The following ST7L variants were observed in gnomAD, a reference collection of about 807,000 sequenced individuals.
ST7L encodes suppressor of tumorigenicity 7 protein-like.
A neutral mutation model predicts 72.5 loss-of-function variants in ST7L; 57 were observed. That is an observed-to-expected ratio of 0.79 (90% CI 0.64 to 0.98). The LOEUF is 0.98. Among genes scored for constraint, ST7L ranks in the 50% least tolerant of loss-of-function variants. The pLI is 0.00. For missense variants in ST7L, 576 were observed against 672.2 expected (o/e 0.86, Z 1.58); for synonymous variants, 221 against 240.9 (o/e 0.92, Z 0.77).
At chr1:112,519,280 C>T (rs755153392), downstream of ST7L, among the ~76,000 whole-genome samples, 12 of 152,120 alleles carry the variant, frequency 7.9e-5, no homozygotes, top group Admixed American at 1.3e-4. Context: ...TATTATAAAA[C>T]GTAAATATTT....
rs746829812 is a variant in ST7L at position 112,577,019 on chromosome 1, A to G, written c.1212T>C (p.His404=). The G allele has an allele frequency of 6.6e-5, 107 of 1,610,244 alleles. No individual in the cohort carries two copies. In the East Asian group the frequency reaches 2.3e-3, roughly 34 times the overall value. ...TAEINAVEAI[H]RAVEFNPHVP... ...CATGAGGATTAAATTCCACAGCTCT[A>G]TGAATTGCTTCCACGGCATTAATTT... is the stretch of plus-strand genomic sequence containing the variant. Residue 404 remains histidine, a synonymous_variant, in exon 11 of 15, where the codon CAT becomes CAC. Coordinates refer to ENST00000358039, the MANE Select transcript of ST7L (RefSeq NM_017744.5).
chr1:112,612,024 T>C (rs1238773849), intron 2 of ST7L, among the ~76,000 whole-genome samples: 4 of 149,658 alleles, frequency 2.7e-5, no homozygotes, highest in Non-Finnish European at 4.4e-5. Context: ...TTCTGCCAAA[T>C]GTAGTGGATA....
chr1:112,559,643 C>T (rs1171545399), intron 11 of ST7L, among the ~76,000 whole-genome samples: 1 of 152,138 alleles, frequency 6.6e-6, no homozygotes, highest in Non-Finnish European at 1.5e-5. Flanking sequence ...AGAAATTATA[C>T]TTCAAGATTT....
chr1:112,548,172 T>C (rs577823151), intron 13 of ST7L, among the ~76,000 whole-genome samples: 1 of 152,116 alleles, frequency 6.6e-6, no homozygotes, highest in South Asian at 2.1e-4. Context: ...CTGGCCACCA[T>C]GGTGAAACCC....
chr1:112,544,191 C>T (rs1656691990), intron 13 of ST7L, among the ~76,000 whole-genome samples: 1 of 152,110 alleles, frequency 6.6e-6, no homozygotes, highest in Non-Finnish European at 1.5e-5. Context: ...GGATACTAAC[C>T]CAGGAATTTC....
At chr1:112,576,387 C>T (rs1429980929) in intron 11 of ST7L, among the ~76,000 whole-genome samples, 1 of 152,144 alleles carries the variant, frequency 6.6e-6, no homozygotes, top group Admixed American at 6.5e-5. Flanking sequence ...CCACTGTGCC[C>T]AGCCCAAACC....
At chr1:112,544,897 A>G (rs1337290245) in intron 13 of ST7L, among the ~76,000 whole-genome samples, 1 of 152,210 alleles carries the variant, frequency 6.6e-6, no homozygotes, top group Non-Finnish European at 1.5e-5. Flanking sequence ...AAAATAATGG[A>G]TGACTATTAC....
chr1:112,524,213 C>T lies in ST7L; in HGVS notation c.*1800G>A, dbSNP rs141812668. The T allele has an allele frequency of 2.4e-3, 366 of 152,642 alleles. No homozygotes were observed. The highest frequency in any genetic ancestry group is 8.2e-3 in the African/African-American group (339 of 41,540). 9.5% of individuals were successfully genotyped at this position (152,642 alleles called of 1,614,324 possible). ...CAAATTCTCAGACCCACTCAGGACA[C>T]GAGTCTCTACATGGCTTAACAGAAG... is the stretch of plus-strand genomic sequence containing the variant. On this transcript the variant is annotated 3_prime_UTR_variant, in exon 15 of 15. Coordinates refer to ENST00000358039, the MANE Select transcript of ST7L (RefSeq NM_017744.5).
At chr1:112,532,349 A>G (rs1306227185) in intron 14 of ST7L, among the ~76,000 whole-genome samples, 1 of 152,224 alleles carries the variant, frequency 6.6e-6, no homozygotes, top group Non-Finnish European at 1.5e-5. Flanking sequence ...GGAGTCTAAC[A>G]ACACTGTCGG....
intron 11 of ST7L, among the ~76,000 whole-genome samples, chr1:112,566,268 ATTTTC>A (rs1174571645): frequency 1.6e-5 from 2 of 126,164 alleles, no homozygotes; most frequent in Admixed American, 1.6e-4. Flanking sequence ...ATCAAGACAT[ATTTTC>A]TTTTATTTCT....
Position 112,611,119 on chromosome 1 carries a change from T to C in ST7L, c.289-116A>G, listed in dbSNP as rs1437990392. Reference sequence around the variant, plus strand: ...TTCAGCATTTTAAATGCACTCTCCTTTCAAAAAGAAAAAAACATACAAACA... The same window carrying C: ...TTCAGCATTTTAAATGCACTCTCCTCTCAAAAAGAAAAAAACATACAAACA... On this transcript the variant is annotated intron_variant, in intron 2 of 14. Transcript: ENST00000358039. The C allele has an allele frequency of 6.3e-6, 6 of 946,390 alleles. No homozygotes were observed. The Admixed American group carries it at 2.0e-4, about 32-fold the overall frequency. 58.6% of individuals were successfully genotyped at this position (946,390 alleles called of 1,614,324 possible).
intron 11 of ST7L, among the ~76,000 whole-genome samples, chr1:112,574,957 G>T (rs1571118886): frequency 6.6e-6 from 1 of 152,038 alleles, no homozygotes; most frequent in East Asian, 1.9e-4. Context: ...AAGTTTACAA[G>T]GCTGGGCGCG....
chr1:112,568,330 A>ATTTTT (rs776031521), intron 11 of ST7L, among the ~76,000 whole-genome samples: 48 of 116,778 alleles, frequency 4.1e-4, no homozygotes, highest in African/African-American at 1.5e-3. Context: ...CTGTAATAAT[A>ATTTTT]TTTTTTTTTT....
At chr1:112,569,730 G>A (rs930555040) in intron 11 of ST7L, among the ~76,000 whole-genome samples, 31 of 152,116 alleles carry the variant, frequency 2.0e-4, no homozygotes, top group Admixed American at 1.8e-3. Context: ...AGGCCGAGGC[G>A]GGTGGATCAC....
At position 112,610,946 on chromosome 1, in the gene ST7L, C is replaced by T. The variant is rs1361194445; in HGVS notation, c.346G>A (p.Val116Ile). 6.2e-7 allele frequency: 1 copy of T among 1,614,208 alleles called. No individual in the cohort carries two copies. Among genetic ancestry groups the T allele is most frequent in the Non-Finnish European group, 8.5e-7 (1 of 1,180,036 alleles). ...HGTSFIEQVS[V>I]SHLQPLMGGT... ...CCCATCAGTGGTTGCAAATGGCTTA[C>T]AGATACTTGCTCAATAAAAGATGTG... is the stretch of plus-strand genomic sequence containing the variant. The change falls in exon 3 of 15, where the codon GTA becomes ATA. Residue 116 changes from valine to isoleucine, a missense_variant. Val to Ile is a conservative substitution (Grantham distance 29). This residue lies in a region of ST7L where 511 missense variants were observed against 600.7 expected (regional missense o/e 0.85). Coordinates refer to ENST00000358039, the MANE Select transcript of ST7L (RefSeq NM_017744.5).
chr1:112,616,158 C>A (rs142107215), intron 2 of ST7L, among the ~76,000 whole-genome samples: 2 of 152,148 alleles, frequency 1.3e-5, no homozygotes, highest in African/African-American at 4.8e-5. Flanking sequence ...CCAGGCTACC[C>A]AGTCCTCAAA....
At chr1:112,557,445 T>C (rs1004601676) in intron 11 of ST7L, among the ~76,000 whole-genome samples, 2 of 152,262 alleles carry the variant, frequency 1.3e-5, no homozygotes, top group East Asian at 3.8e-4. Flanking sequence ...GGCTGAATAA[T>C]ACTGCATTGT....
chr1:112,556,696 G>C (rs560095208), intron 11 of ST7L, among the ~76,000 whole-genome samples: 30 of 152,060 alleles, frequency 2.0e-4, no homozygotes, highest in African/African-American at 7.0e-4. Flanking sequence ...CAATGTACAA[G>C]GCCGAGTGCG....
chr1:112,577,012 C>G lies in ST7L; in HGVS notation c.1219G>C (p.Val407Leu), dbSNP rs1663206824. ...TTTGGAACATGAGGATTAAATTCCA[C>G]AGCTCTATGAATTGCTTCCACGGCA... is the stretch of plus-strand genomic sequence containing the variant. Reference protein sequence around the residue: ...INAVEAIHRAVEFNPHVPKYL... With the variant: ...INAVEAIHRALEFNPHVPKYL... Residue 407 changes from valine to leucine, a missense_variant, in exon 11 of 15, where the codon GTG becomes CTG. By Grantham distance (32) the Val-to-Leu change is conservative (BLOSUM62 1). Transcript: ENST00000358039. The G allele has an allele frequency of 6.2e-7, 1 of 1,604,290 alleles. No homozygotes were observed. Among genetic ancestry groups the G allele is most frequent in the East Asian group, 2.2e-5 (1 of 44,652 alleles).
Sources: gnomAD v4.1 joint callset for allele counts (sites outside exome capture counted in the v4.1 genomes callset) on GRCh38, gnomAD v4.1.1 for gene constraint, gnomAD v4.1.1 regional missense constraint, MANE v1.5 for transcripts, NCBI Gene and HGNC (gene_info 2026-07-23, HGNC 2026-07-21) for gene names.